The following SLC25A26 variants were observed in gnomAD, a reference collection of about 807,000 sequenced individuals.
The protein encoded by SLC25A26 is mitochondrial S-adenosylmethionine carrier protein.
SLC25A26 carries 36 observed loss-of-function variants against 37.8 expected under a neutral mutation model. That is an observed-to-expected ratio of 0.95 (90% CI 0.73 to 1.26). SLC25A26 has a LOEUF of 1.26. SLC25A26 is among the 50% of genes most tolerant of loss of function. The pLI is 0.00. For missense variants in SLC25A26, 390 were observed against 331.1 expected, an observed-to-expected ratio of 1.18 and a Z score of -1.38; for synonymous variants, 129 against 122.5, an observed-to-expected ratio of 1.05 and a Z score of -0.35.
chr3:66,189,692 TG>T (rs1275679261), intron 1 of SLC25A26, among the ~76,000 whole-genome samples: 1 of 152,208 alleles, frequency 6.6e-6, no homozygotes, highest in African/African-American at 2.4e-5. Flanking sequence ...GACAGGATCT[TG>T]CTCTGTTGCC....
intron 2 of SLC25A26, among the ~76,000 whole-genome samples, chr3:66,238,599 A>G (rs2072414399): frequency 6.6e-6 from 1 of 152,090 alleles, no homozygotes; most frequent in Non-Finnish European, 1.5e-5. Context: ...TCCCGACGTC[A>G]CGTGATCTGC....
At position 66,221,051 on chromosome 3, in the gene SLC25A26, T is replaced by G. The variant is rs376191908; in HGVS notation, c.-44T>G. ...CCAGCGCGCGAGGACGTGATCCGCT[T>G]CTGCTCCGGCTTGGATTGTAGCCTT... On this transcript the variant is annotated 5_prime_UTR_variant, in exon 1 of 10. Transcript: ENST00000354883. 143 of 1,535,410 alleles carry G rather than the reference T, an allele frequency of 9.3e-5. 2 individuals are homozygous for G. The African/African-American group carries it at 1.6e-3, about 18-fold the overall frequency.
At chr3:66,135,866 C>A (rs948099615) in intron 1 of SLC25A26, among the ~76,000 whole-genome samples, 1 of 152,128 alleles carries the variant, frequency 6.6e-6, no homozygotes, top group African/African-American at 2.4e-5. Context: ...AAGAGATATT[C>A]TTTTGGAATA....
At position 66,343,277 on chromosome 3, in the gene SLC25A26, CAT is replaced by C. The variant is rs375541655; in HGVS notation, c.454-3086_454-3085del. ...TGTTTGTTCATATTGTAAATGACAA[CAT>C]GTGTGTGATACAATTTTGACTTGAA... On this transcript the variant is annotated intron_variant, in intron 5 of 9. Transcript: ENST00000354883. Among the ~76,000 whole-genome samples the C allele has an allele frequency of 1.1e-4, 16 of 152,320 alleles. No homozygotes were observed. The East Asian group carries it at 2.3e-3, about 22-fold the overall frequency.
intron 5 of SLC25A26, among the ~76,000 whole-genome samples, chr3:66,287,309 A>G (rs1410251713): frequency 6.6e-6 from 1 of 152,140 alleles, no homozygotes; most frequent in Non-Finnish European, 1.5e-5. Flanking sequence ...AAAAAAAAAA[A>G]AAAATCTCAA....
chr3:66,239,520 G>T (rs529745132), intron 2 of SLC25A26, among the ~76,000 whole-genome samples: 1 of 152,240 alleles, frequency 6.6e-6, no homozygotes, highest in East Asian at 1.9e-4. Context: ...TGCTTCTCCT[G>T]TTATCTTGAC....
At chr3:66,329,714 T>C (rs1053033046) in intron 5 of SLC25A26, among the ~76,000 whole-genome samples, 68 of 152,152 alleles carry the variant, frequency 4.5e-4, no homozygotes, top group African/African-American at 1.6e-3. Flanking sequence ...ATTTTTTTCC[T>C]CCTACTTTAT....
chr3:66,261,818 G>A (rs755116523), intron 3 of SLC25A26, among the ~76,000 whole-genome samples: 5 of 151,848 alleles, frequency 3.3e-5, no homozygotes, highest in Non-Finnish European at 7.4e-5. Flanking sequence ...AACATCTGGC[G>A]GGAGGTGGCA....
At chr3:66,262,734 G>A (rs1235572056) in intron 4 of SLC25A26, among the ~76,000 whole-genome samples, 1 of 152,160 alleles carries the variant, frequency 6.6e-6, no homozygotes, top group Non-Finnish European at 1.5e-5. Context: ...ATTTGTAATG[G>A]TGTGTTACAT....
intron 1 of SLC25A26, among the ~76,000 whole-genome samples, chr3:66,166,657 G>A (rs2070428838): frequency 6.6e-6 from 1 of 152,146 alleles, no homozygotes; most frequent in Non-Finnish European, 1.5e-5. Flanking sequence ...TATTGGCACT[G>A]TCTATTTGTA....
At chr3:66,147,483 G>A (rs962454800) in intron 1 of SLC25A26, among the ~76,000 whole-genome samples, 3 of 151,800 alleles carry the variant, frequency 2.0e-5, no homozygotes, top group Non-Finnish European at 2.9e-5. Flanking sequence ...TTATTCACTC[G>A]TTGGTTGATG....
intron 5 of SLC25A26, among the ~76,000 whole-genome samples, chr3:66,299,812 C>T (rs537970067): frequency 1.3e-5 from 2 of 152,182 alleles, no homozygotes; most frequent in African/African-American, 4.8e-5. Context: ...CTTCCACATG[C>T]GGGTAGTTTT....
At chr3:66,299,247 A>G (rs1282109390) in intron 5 of SLC25A26, among the ~76,000 whole-genome samples, 5 of 152,144 alleles carry the variant, frequency 3.3e-5, no homozygotes, top group Admixed American at 2.0e-4. Context: ...GCTGGAGTGC[A>G]GTGGCACAGT....
At chr3:66,223,969 C>G (rs1217065627) in intron 1 of SLC25A26, among the ~76,000 whole-genome samples, 3 of 152,042 alleles carry the variant, frequency 2.0e-5, no homozygotes, top group Admixed American at 1.3e-4. Flanking sequence ...AAACATGGGA[C>G]AGAGGGGAAG....
At chr3:66,249,874 G>A (rs1273164592) in intron 3 of SLC25A26, among the ~76,000 whole-genome samples, 1 of 152,180 alleles carries the variant, frequency 6.6e-6, no homozygotes, top group Admixed American at 6.5e-5. Flanking sequence ...AAACACAGAA[G>A]CTGAAACAGA....
At chr3:66,264,384 C>G (rs536520446) in intron 5 of SLC25A26, among the ~76,000 whole-genome samples, 32 of 152,100 alleles carry the variant, frequency 2.1e-4, no homozygotes, top group Non-Finnish European at 4.4e-4. Flanking sequence ...AGACAGGGAC[C>G]CCAACCCCAG....
chr3:66,375,468 A>G (rs1204429675), intron 9 of SLC25A26, among the ~76,000 whole-genome samples: 1 of 152,224 alleles, frequency 6.6e-6, no homozygotes, highest in African/African-American at 2.4e-5. Flanking sequence ...TCAAAGCTTC[A>G]AAGGACTGGC....
chr3:66,202,712 G>T (rs2071127060), intron 1 of SLC25A26, among the ~76,000 whole-genome samples: 1 of 152,040 alleles, frequency 6.6e-6, no homozygotes, highest in African/African-American at 2.4e-5. Flanking sequence ...CACATCAGCA[G>T]CTCTAAGAAC....
At chr3:66,209,087 GAT>G (rs1317767584) in intron 1 of SLC25A26, among the ~76,000 whole-genome samples, 23,139 of 39,332 alleles carry the variant, frequency 0.59, 5,607 homozygotes, top group South Asian at 0.74. Flanking sequence ...CCCATATAAA[GAT>G]GTATATATAT....
Sources: allele counts gnomAD v4.1 joint callset (sites outside exome capture counted in the v4.1 genomes callset), GRCh38; gene constraint gnomAD v4.1.1; transcripts MANE v1.5; gene names NCBI Gene and HGNC (gene_info 2026-07-23, HGNC 2026-07-21).